Variants in SPRY3 observed in about 807,000 individuals in gnomAD.
The protein encoded by SPRY3 is protein sprouty homolog 3.
Under a neutral mutation model 20.2 loss-of-function variants are expected in SPRY3, and 15 were observed. The ratio of observed to expected loss-of-function variants is 0.74; its 90% CI spans 0.50 to 1.14. The LOEUF (loss-of-function observed/expected upper bound fraction) is 1.14, where lower values mean the gene tolerates loss of function less well. Ranked by LOEUF, SPRY3 falls within the 50% of genes most tolerant of loss-of-function variation. The pLI is 0.00. For synonymous variants in SPRY3, 143 were observed against 136.5 expected, an observed-to-expected ratio of 1.05 and a Z score of -0.33; for missense variants, 364 against 363.9, an observed-to-expected ratio of 1.00 and a Z score of 0.00.
intron 2 of SPRY3, among the ~76,000 whole-genome samples, chrX:155,728,806 C>G (rs889334918): frequency 6.6e-6 from 1 of 152,226 alleles, no homozygotes; most frequent in East Asian, 1.9e-4. Flanking sequence ...ACTCGCCCAC[C>G]GTGGGCTGGA....
At chrX:155,774,305 T>C in exon 4 of SPRY3, 2 of 1,614,022 alleles carry the variant, frequency 1.2e-6, no homozygotes, top group South Asian at 2.2e-5. Flanking sequence ...GAGCACCTCT[T>C]CATCTGTGAG....
intron 3 of SPRY3, among the ~76,000 whole-genome samples, chrX:155,771,601 A>G (rs1296130966): frequency 6.6e-6 from 1 of 152,146 alleles, no homozygotes; most frequent in East Asian, 1.9e-4. Flanking sequence ...TTTCTCATAA[A>G]TTTGTCAAAA....
At chrX:155,642,217 G>A (rs1304647043) in intron 1 of SPRY3, among the ~76,000 whole-genome samples, 1 of 111,741 alleles carries the variant, frequency 8.9e-6, no homozygotes, top group African/African-American at 3.2e-5. Flanking sequence ...CTCAATCTTA[G>A]TAGGTTGTAT....
intron 2 of SPRY3, among the ~76,000 whole-genome samples, chrX:155,722,598 C>T (rs2091067159): frequency 6.6e-6 from 1 of 150,436 alleles, no homozygotes; most frequent in Admixed American, 6.6e-5. Flanking sequence ...AAAGAACACA[C>T]GAAGGAAAGA....
chrX:155,765,613 A>G (rs1277383273), intron 2 of SPRY3, among the ~76,000 whole-genome samples: 1 of 152,136 alleles, frequency 6.6e-6, no homozygotes, highest in Non-Finnish European at 1.5e-5. Context: ...AATGATCATC[A>G]ATTTAACTTT....
intron 2 of SPRY3, among the ~76,000 whole-genome samples, chrX:155,700,245 C>T (rs1377440810): frequency 1.9e-5 from 2 of 108,022 alleles, no homozygotes; most frequent in African/African-American, 6.8e-5. Flanking sequence ...TCCAAGCTAT[C>T]ACTTCACACT....
At chrX:155,773,819 C>A in exon 4 of SPRY3, 1 of 1,574,132 alleles carries the variant, frequency 6.4e-7, no homozygotes, top group Non-Finnish European at 8.6e-7. Flanking sequence ...CTCTTTATCA[C>A]CATAAGTGCC....
intron 1 of SPRY3, chrX:155,613,077 C>G (rs2067836541): frequency 8.9e-6 from 1 of 111,924 alleles, no homozygotes; most frequent in South Asian, 3.8e-4. Context: ...TATTCAATCG[C>G]CTTTAGTGAA....
intron 2 of SPRY3, among the ~76,000 whole-genome samples, chrX:155,741,362 T>C (rs1245367452): frequency 6.6e-6 from 1 of 152,072 alleles, no homozygotes; most frequent in African/African-American, 2.4e-5. Flanking sequence ...GTAAAAAGAC[T>C]GAACCTATGA....
At chrX:155,774,690 C>A in exon 4 of SPRY3, 1 of 1,613,956 alleles carries the variant, frequency 6.2e-7, no homozygotes, top group Non-Finnish European at 8.5e-7. Flanking sequence ...GCAGAAAGAT[C>A]TCTTCTGGTA....
At chrX:155,692,215 T>TAA (rs2124575079) in intron 2 of SPRY3, among the ~76,000 whole-genome samples, 1 of 111,194 alleles carries the variant, frequency 9.0e-6, no homozygotes, top group African/African-American at 3.3e-5. Flanking sequence ...CTGGTTGATT[T>TAA]TGAGTTAAAT....
At chrX:155,662,729 C>T (rs1485459644) in intron 2 of SPRY3, among the ~76,000 whole-genome samples, 1 of 102,123 alleles carries the variant, frequency 9.8e-6, no homozygotes, top group Non-Finnish European at 2.0e-5. Context: ...AATAGTTATG[C>T]ATTCAAAGAA....
chrX:155,682,352 C>T (rs767658584), intron 2 of SPRY3, among the ~76,000 whole-genome samples: 1 of 112,457 alleles, frequency 8.9e-6, no homozygotes, highest in Admixed American at 9.4e-5. Flanking sequence ...ATTGATAATG[C>T]ACCTGCTAGG....
At chrX:155,681,472 G>T (rs951743350) in intron 2 of SPRY3, among the ~76,000 whole-genome samples, 1 of 112,177 alleles carries the variant, frequency 8.9e-6, no homozygotes, top group Non-Finnish European at 1.9e-5. Context: ...ACAAGTGATA[G>T]AAAGAGTCGC....
intron 2 of SPRY3, among the ~76,000 whole-genome samples, chrX:155,756,346 C>T (rs375161127): frequency 7.9e-5 from 12 of 152,092 alleles, no homozygotes; most frequent in African/African-American, 2.7e-4. Context: ...GTATGTGGAG[C>T]AGGGAAGTAT....
intron 1 of SPRY3, among the ~76,000 whole-genome samples, chrX:155,619,847 C>T (rs1279790913): frequency 1.8e-5 from 2 of 110,835 alleles, no homozygotes; most frequent in Admixed American, 1.9e-4. Flanking sequence ...AACATAAAAA[C>T]ACAAACAAAC....
chrX:155,620,903 A>G (rs1734657362), intron 1 of SPRY3, among the ~76,000 whole-genome samples: 1 of 112,135 alleles, frequency 8.9e-6, no homozygotes, highest in African/African-American at 3.2e-5. Context: ...AATCGTGGAG[A>G]ACCAGGCATG....
chrX:155,740,902 G>A (rs1306029567), intron 2 of SPRY3, among the ~76,000 whole-genome samples: 4 of 152,016 alleles, frequency 2.6e-5, no homozygotes, highest in Non-Finnish European at 4.4e-5. Flanking sequence ...CGGTCCTACC[G>A]ATATGTGATG....
At chrX:155,774,768 C>T in exon 4 of SPRY3, 1 of 1,583,974 alleles carries the variant, frequency 6.3e-7, no homozygotes, top group Non-Finnish European at 8.6e-7. Context: ...CAGAGCTTTT[C>T]TCCTTCGAGT....
Sources: gnomAD v4.1 joint callset for allele counts (sites outside exome capture counted in the v4.1 genomes callset) on GRCh38, gnomAD v4.1.1 for gene constraint, MANE v1.5 for transcripts, NCBI Gene and HGNC (gene_info 2026-07-23, HGNC 2026-07-21) for gene names.